APOBEC3C: variants seen among roughly 807,000 people sequenced by gnomAD.
APOBEC3C encodes the protein DNA dC->dU-editing enzyme APOBEC-3C.
A neutral mutation model predicts 20.6 loss-of-function variants in APOBEC3C; 14 were observed. The ratio of observed to expected loss-of-function variants is 0.68; its 90% CI spans 0.45 to 1.06. The LOEUF (loss-of-function observed/expected upper bound fraction) is 1.06. Among genes scored for constraint, APOBEC3C ranks in the 50% least tolerant of loss-of-function variants. The probability of loss-of-function intolerance (pLI) is 0.00; values close to 1 mark genes in which losing one functional copy is unlikely to be tolerated. For synonymous variants in APOBEC3C, 98 were observed against 88.8 expected (o/e 1.10, Z -0.58); for missense variants, 244 against 241.9 (o/e 1.01, Z -0.06).
chr22:39,014,387 T>C lies in APOBEC3C; in HGVS notation c.17+8T>C. The C allele has an allele frequency of 5.0e-6, 8 of 1,614,140 alleles. No individual in the cohort carries two copies. The highest frequency in any genetic ancestry group is 6.8e-6 in the Non-Finnish European group (8 of 1,180,010). Reference sequence around the variant, plus strand: ...CATGAATCCACAGATCAGGTACCTCTGCACGCTTTGTCCGCCAGGCCCCTC... The same window carrying C: ...CATGAATCCACAGATCAGGTACCTCCGCACGCTTTGTCCGCCAGGCCCCTC... On this transcript the variant is annotated splice_region_variant and intron_variant, in intron 1 of 3. Coordinates refer to ENST00000361441, the MANE Select transcript of APOBEC3C (RefSeq NM_014508.3).
intron 2 of APOBEC3C, among the ~76,000 whole-genome samples, chr22:39,017,222 A>C (rs1924815174): frequency 6.6e-6 from 1 of 152,032 alleles, no homozygotes. Context: ...ACAGAGCAAG[A>C]CTCCATCTTT....
Position 39,018,593 on chromosome 22 carries a change from T to C in APOBEC3C, c.*206T>C, listed in dbSNP as rs1924892814. 1 of 536,112 alleles carries C rather than the reference T, an allele frequency of 1.9e-6. No individual in the cohort carries two copies. The highest frequency in any genetic ancestry group is 3.5e-5 in the Admixed American group (1 of 28,656). 33.2% of individuals were successfully genotyped at this position (536,112 alleles called of 1,614,324 possible). On this transcript the variant is annotated 3_prime_UTR_variant, in exon 4 of 4. Coordinates refer to ENST00000361441, the MANE Select transcript of APOBEC3C (RefSeq NM_014508.3). ...CTGCAGAGGCTCCTTTCTGCCTCCA[T>C]GGCTATCCATCCACCCCCACAGACC...
chr22:39,014,988 G>T (rs935335224), intron 1 of APOBEC3C, among the ~76,000 whole-genome samples: 4 of 151,974 alleles, frequency 2.6e-5, no homozygotes. Context: ...GAAAAAATAT[G>T]ATGATCAGGA....
In APOBEC3C at chr22:39,019,159, C is replaced by T. The variant is rs1379878515; in HGVS notation, c.*772C>T. 1 of 152,226 alleles carries T rather than the reference C, an allele frequency of 6.6e-6. No homozygotes were observed. The highest frequency in any genetic ancestry group is 6.5e-5 in the Admixed American group (1 of 15,280). The allele number at this position is 152,226 out of a possible 1,614,324, so 9.4% of individuals were successfully genotyped here. A position where few individuals can be genotyped will look rare whatever the true frequency, so the allele number is the denominator to read the frequency against. On this transcript the variant is annotated 3_prime_UTR_variant, in exon 4 of 4. Transcript: ENST00000361441. ...GAGCCAGGGAGGAAAAGCAGTCAGG[C>T]CACACAACATTGTTTCCGAAATGGA... is the stretch of plus-strand genomic sequence containing the variant.
chr22:39,014,546 T>C (rs1260704293), intron 1 of APOBEC3C, among the ~76,000 whole-genome samples, 167 bp downstream of exon 1: 1 of 148,446 alleles, frequency 6.7e-6, no homozygotes, highest in Non-Finnish European at 1.5e-5. Context: ...CCCTGCTGTG[T>C]GGTCCCACGA....
At chr22:39,017,611 TA>T (rs1009392686) in intron 2 of APOBEC3C, among the ~76,000 whole-genome samples, 154 bp from the exon 3 acceptor site, 8 of 152,010 alleles carry the variant, frequency 5.3e-5, no homozygotes, top group African/African-American at 1.9e-4. Context: ...CTGCACCCCC[TA>T]ACCTGTGCAC....
At chr22:39,014,495 C>CG (rs1048491074) in intron 1 of APOBEC3C, 116 bp downstream of exon 1, 3 of 1,293,148 alleles carry the variant, frequency 2.3e-6, no homozygotes, top group East Asian at 2.4e-5. Flanking sequence ...CTCCCTCCCC[C>CG]CTGGTTCCCC....
chr22:39,015,734 G>A lies in APOBEC3C; in HGVS notation c.157G>A (p.Gly53Ser). ...KRRSVVSWKT[G>S]VFRNQVDSET... Reference sequence around the variant, plus strand: ...CCGCTCAGTTGTCTCCTGGAAGACGGGCGTCTTCCGAAACCAGGTAGCACC... The same window carrying A: ...CCGCTCAGTTGTCTCCTGGAAGACGAGCGTCTTCCGAAACCAGGTAGCACC... Residue 53 changes from glycine (G) to serine (S), a missense_variant, in exon 2 of 4, where the codon GGC (glycine) becomes AGC (serine). Gly to Ser is a moderately conservative substitution (Grantham distance 56, BLOSUM62 0). Transcript: ENST00000361441. The A allele has an allele frequency of 1.2e-6, 2 of 1,613,880 alleles. No homozygotes were observed. Among genetic ancestry groups the A allele is most frequent in the Non-Finnish European group, 1.7e-6 (2 of 1,179,932 alleles).
At chr22:39,016,972 G>A (rs192231082) in intron 2 of APOBEC3C, among the ~76,000 whole-genome samples, 2 of 152,364 alleles carry the variant, frequency 1.3e-5, no homozygotes, top group East Asian at 3.9e-4. Context: ...GGTGGCTCAT[G>A]CCTGTAATCC....
chr22:39,014,400 C>T (rs761518788), intron 1 of APOBEC3C, 21 bp downstream of exon 1: 41 of 1,613,808 alleles, frequency 2.5e-5, no homozygotes, highest in Admixed American at 8.3e-5. Flanking sequence ...ACGCTTTGTC[C>T]GCCAGGCCCC....
rs201591623 is a variant in APOBEC3C, at chr22:39,015,692, G to A, written c.115G>A (p.Val39Met). ...GAACGAAACTTGGCTGTGCTTCACCGTGGAAGGTATAAAGCGCCGCTCAGT... is the reference window on the plus strand; with the variant it reads ...GAACGAAACTTGGCTGTGCTTCACCATGGAAGGTATAAAGCGCCGCTCAGT... ...DRNETWLCFT[V>M]EGIKRRSVVS... Residue 39 changes from valine (V) to methionine (M), a missense_variant, in exon 2 of 4, where the codon GTG becomes ATG. Val to Met is a conservative substitution (Grantham distance 21). Coordinates refer to ENST00000361441, the MANE Select transcript of APOBEC3C (RefSeq NM_014508.3). 1.3e-5 allele frequency: 21 copies of A among 1,614,100 alleles called. No homozygotes were observed. The highest frequency in any genetic ancestry group is 6.7e-5 in the East Asian group (3 of 44,882).
At chr22:39,015,814 C>T in intron 2 of APOBEC3C, 63 bp downstream of exon 2, 1 of 1,536,526 alleles carries the variant, frequency 6.5e-7, no homozygotes, top group South Asian at 1.2e-5. Context: ...GCAGAAAACG[C>T]AACAATAAGT....
At chr22:39,016,712 G>A (rs1251087323) in intron 2 of APOBEC3C, among the ~76,000 whole-genome samples, 1 of 152,206 alleles carries the variant, frequency 6.6e-6, no homozygotes, top group Non-Finnish European at 1.5e-5. Flanking sequence ...TGGGAAGCGG[G>A]GGGTGTTGTG....
intron 2 of APOBEC3C, 84 bp downstream of exon 2, chr22:39,015,835 G>C: frequency 1.4e-6 from 2 of 1,424,300 alleles, no homozygotes; most frequent in Non-Finnish European, 1.9e-6. Context: ...GATGTGCCCG[G>C]CGTGGGCTCT....
intron 2 of APOBEC3C, 24 bp from the exon 3 acceptor site, chr22:39,017,742 G>GTCC (rs747329938): frequency 5.0e-6 from 8 of 1,604,864 alleles, no homozygotes; most frequent in Admixed American, 3.3e-5. Context: ...GAGCTCCCCT[G>GTCC]TCCTCCTCCT....
rs199802868 is a variant in APOBEC3C, at chr22:39,014,409, C to T, written c.17+30C>T. On this transcript the variant is annotated intron_variant, in intron 1 of 3. Transcript: ENST00000361441. ...CTCTGCACGCTTTGTCCGCCAGGCCCCTCCTGCCACTTCCTGCCAGGCGGT... is the reference window on the plus strand; with the variant it reads ...CTCTGCACGCTTTGTCCGCCAGGCCTCTCCTGCCACTTCCTGCCAGGCGGT... The T allele has an allele frequency of 1.7e-3, 2,667 of 1,613,858 alleles. 8 individuals carry two copies. The Middle Eastern group carries it at 0.018, about 11-fold the overall frequency.
At chr22:39,017,233 G>GA (rs1440839282) in intron 2 of APOBEC3C, among the ~76,000 whole-genome samples, 3 of 151,372 alleles carry the variant, frequency 2.0e-5, no homozygotes, top group African/African-American at 7.3e-5. Context: ...CTCCATCTTT[G>GA]AAAAAAATAA....
chr22:39,016,348 C>T (rs1422040808), intron 2 of APOBEC3C, among the ~76,000 whole-genome samples: 5 of 150,568 alleles, frequency 3.3e-5, no homozygotes, highest in African/African-American at 7.3e-5. Context: ...TACAGGCGCC[C>T]ACCACCATGC....
chr22:39,017,757 C>T lies in APOBEC3C; in HGVS notation c.175-9C>T. The stretch of plus-strand genomic sequence containing the variant: ...GAGCTCCCCTGTCCTCCTCCTCCTC[C>T]TTCGCCAGGTGGATTCTGAGACCCA... On this transcript the variant is annotated splice_polypyrimidine_tract_variant and intron_variant, in intron 2 of 3. Transcript: ENST00000361441. The T allele has an allele frequency of 6.2e-7, 1 of 1,610,976 alleles. No homozygotes were observed. The highest frequency in any genetic ancestry group is 8.5e-7 in the Non-Finnish European group (1 of 1,177,536).
Sources: allele counts gnomAD v4.1 joint callset (sites outside exome capture counted in the v4.1 genomes callset), GRCh38; gene constraint gnomAD v4.1.1; transcripts MANE v1.5; gene names NCBI Gene and HGNC (gene_info 2026-07-23, HGNC 2026-07-21).